Variants in SNX29 observed in about 807,000 individuals in gnomAD.
The protein encoded by SNX29 is sorting nexin 29.
SNX29 carries 78 observed loss-of-function variants against 102.1 expected under a neutral mutation model. The observed-to-expected ratio is 0.76, with a 90% confidence interval of 0.64 to 0.92. SNX29 has a LOEUF of 0.92. SNX29 is among the 40% of genes least tolerant of loss of function. The pLI is 0.00. For synonymous variants in SNX29, 580 were observed against 414.5 expected (o/e 1.40, Z -4.85); for missense variants, 1,280 against 1,061.7 (o/e 1.21, Z -2.86).
At chr16:11,982,423 G>GTTTTTTTTTTTTT (rs60761477) in intron 1 of SNX29, among the ~76,000 whole-genome samples, 11 of 120,356 alleles carry the variant, frequency 9.1e-5, no homozygotes, top group African/African-American at 9.1e-5. Flanking sequence ...CTTTCCATCA[G>GTTTTTTTTTTTTT]TTTTTTTTTT....
chr16:12,350,499 A>G (rs1186911585), intron 15 of SNX29, among the ~76,000 whole-genome samples: 3 of 152,058 alleles, frequency 2.0e-5, no homozygotes, highest in African/African-American at 4.8e-5. Flanking sequence ...CCAATCCGCC[A>G]CCCATACCGA....
chr16:12,025,991 G>C (rs1395347459), intron 3 of SNX29, among the ~76,000 whole-genome samples: 1 of 152,156 alleles, frequency 6.6e-6, no homozygotes, highest in East Asian at 1.9e-4. Flanking sequence ...CTATATTAAA[G>C]TGTTGATGAG....
intron 13 of SNX29, among the ~76,000 whole-genome samples, chr16:12,173,530 G>A (rs915107122): frequency 2.0e-5 from 3 of 152,160 alleles, no homozygotes; most frequent in African/African-American, 7.2e-5. Context: ...GTGAGGTCTT[G>A]AATCTGTATC....
chr16:12,487,499 G>A (rs1315862910), intron 19 of SNX29, among the ~76,000 whole-genome samples: 1 of 152,162 alleles, frequency 6.6e-6, no homozygotes, highest in African/African-American at 2.4e-5. Flanking sequence ...CCAAGCTCCC[G>A]TAGCTTGTAA....
At chr16:12,540,582 A>T (rs899308044) in intron 20 of SNX29, among the ~76,000 whole-genome samples, 8 of 152,186 alleles carry the variant, frequency 5.3e-5, no homozygotes, top group Admixed American at 4.6e-4. Context: ...GCTTCCCAGC[A>T]ATTACTCTGG....
At chr16:12,286,142 C>T (rs1321870942) in intron 15 of SNX29, among the ~76,000 whole-genome samples, 1 of 151,388 alleles carries the variant, frequency 6.6e-6, no homozygotes, top group Non-Finnish European at 1.5e-5. Context: ...TATGCCTGTC[C>T]TGTTTGTTTT....
At chr16:12,371,724 G>C (rs918001591) in intron 16 of SNX29, among the ~76,000 whole-genome samples, 1 of 152,188 alleles carries the variant, frequency 6.6e-6, no homozygotes, top group Admixed American at 6.5e-5. Context: ...TGTCCTGTTA[G>C]AGCAAAGCTT....
At chr16:12,540,704 G>C (rs942996495) in intron 20 of SNX29, among the ~76,000 whole-genome samples, 3 of 152,162 alleles carry the variant, frequency 2.0e-5, no homozygotes, top group Non-Finnish European at 2.9e-5. Flanking sequence ...GCTCACATAT[G>C]AAGACGCTCC....
intron 18 of SNX29, among the ~76,000 whole-genome samples, chr16:12,473,371 G>A (rs575627437): frequency 5.9e-5 from 9 of 152,294 alleles, no homozygotes; most frequent in African/African-American, 2.2e-4. Context: ...AGACTGGAAT[G>A]TCTGACAGCA....
intron 18 of SNX29, among the ~76,000 whole-genome samples, chr16:12,417,254 G>A (rs2084673833): frequency 6.6e-6 from 1 of 152,212 alleles, no homozygotes; most frequent in African/African-American, 2.4e-5. Context: ...TAGCCAGGCT[G>A]TGTGTACCTC....
At position 12,477,629 on chromosome 16, in the gene SNX29, C is replaced by T; in HGVS notation, c.2038-90C>T. The stretch of plus-strand genomic sequence containing the variant: ...TGTGACACAGATGTGACTCTTGCTG[C>T]AGTTGGTTTTCATGGGGAAAGCATA... On this transcript the variant is annotated intron_variant, in intron 18 of 20. Transcript: ENST00000566228. The T allele has an allele frequency of 2.1e-6, 3 of 1,459,994 alleles. 1 individual carries two copies. The highest frequency in any genetic ancestry group is 2.8e-6 in the Non-Finnish European group (3 of 1,062,334). 90.4% of individuals were successfully genotyped at this position (1,459,994 alleles called of 1,614,324 possible). A position where few individuals can be genotyped will look rare whatever the true frequency, so the allele number is the denominator to read the frequency against.
At chr16:12,296,822 G>A (rs986562812) in intron 15 of SNX29, among the ~76,000 whole-genome samples, 4 of 152,228 alleles carry the variant, frequency 2.6e-5, no homozygotes, top group Non-Finnish European at 4.4e-5. Context: ...ACTTAACAAA[G>A]GACTAAAGCG....
Position 12,038,044 on chromosome 16 carries a change from A to G in SNX29, c.248-4853A>G, listed in dbSNP as rs186691056. On this transcript the variant is annotated intron_variant, in intron 4 of 20. Coordinates refer to ENST00000566228, the MANE Select transcript of SNX29 (RefSeq NM_032167.5). Reference sequence around the variant, plus strand: ...GAATGCTGTTTGGTGCACGTGTAGTAGTGATATTAATAGCTGGTTTTCATT... The same window carrying G: ...GAATGCTGTTTGGTGCACGTGTAGTGGTGATATTAATAGCTGGTTTTCATT... 2.3e-3 allele frequency among the ~76,000 whole-genome samples: 350 copies of G among 152,274 alleles called. 5 individuals carry two copies. Among genetic ancestry groups the G allele is most frequent in the South Asian group, 7.7e-3 (37 of 4,820 alleles).
intron 16 of SNX29, among the ~76,000 whole-genome samples, chr16:12,382,751 G>T (rs1200924139): frequency 2.0e-5 from 3 of 152,178 alleles, no homozygotes; most frequent in Non-Finnish European, 4.4e-5. Flanking sequence ...ATCCTTCCCT[G>T]TCTCTTCTAG....
chr16:12,393,508 G>A (rs1485592950), intron 16 of SNX29, among the ~76,000 whole-genome samples: 1 of 148,870 alleles, frequency 6.7e-6, no homozygotes, highest in Non-Finnish European at 1.5e-5. Context: ...AGGTGGGTGT[G>A]GTAAGCACAT....
chr16:12,034,856 C>CA (rs1341974904), intron 4 of SNX29, among the ~76,000 whole-genome samples: 1 of 152,068 alleles, frequency 6.6e-6, no homozygotes, highest in Non-Finnish European at 1.5e-5. Flanking sequence ...ATTAAAAATA[C>CA]AAAAATTAGC....
chr16:12,490,712 C>A (rs922418629), intron 19 of SNX29, among the ~76,000 whole-genome samples: 3 of 152,200 alleles, frequency 2.0e-5, no homozygotes, highest in Admixed American at 6.5e-5. Context: ...CACCTGTGTT[C>A]CCACCACACC....
At chr16:12,036,609 C>G (rs535757334) in intron 4 of SNX29, among the ~76,000 whole-genome samples, 73 of 152,142 alleles carry the variant, frequency 4.8e-4, no homozygotes, top group African/African-American at 1.7e-3. Context: ...GCTGGGATTA[C>G]AGGCGTGAGC....
rs753497515 is a variant in SNX29 at position 12,096,298 on chromosome 16, C to G, written c.1402+17383C>G. On this transcript the variant is annotated intron_variant, in intron 11 of 20. Coordinates refer to ENST00000566228, the MANE Select transcript of SNX29 (RefSeq NM_032167.5). The surrounding 1 kb of genome is among the most constrained non-coding windows in gnomAD (Gnocchi z 4.2). ...CCAGATGGCATTTAGACATGCCTCA[C>G]TTCTTTATCATCTGTTTATTCATTC... Among the ~76,000 whole-genome samples, 2 of 152,230 alleles carry G rather than the reference C, an allele frequency of 1.3e-5. No homozygotes were observed. The highest frequency in any genetic ancestry group is 4.8e-5 in the African/African-American group (2 of 41,460).
Sources: gnomAD v4.1 joint callset for allele counts (sites outside exome capture counted in the v4.1 genomes callset) on GRCh38, gnomAD v4.1.1 for gene constraint, Gnocchi (gnomAD v3.1) non-coding constraint, MANE v1.5 for transcripts, NCBI Gene and HGNC (gene_info 2026-07-23, HGNC 2026-07-21) for gene names.